Variants in PNPLA6 observed in about 807,000 individuals in gnomAD.
PNPLA6 encodes the protein patatin like domain 6, lysophospholipase.
A neutral mutation model predicts 153.7 loss-of-function variants in PNPLA6; 105 were observed. The observed-to-expected ratio is 0.68, with a 90% CI of 0.58 to 0.80. The LOEUF (loss-of-function observed/expected upper bound fraction) is 0.80. PNPLA6 is among the 30% of genes least tolerant of loss of function. PNPLA6 has a pLI of 0.00. For synonymous variants in PNPLA6, 825 were observed against 822.2 expected (o/e 1.00, Z -0.06); for missense variants, 1,423 against 1,919.3 (o/e 0.74, Z 4.83).
At chr19:7,560,611 G>A in intron 28 of PNPLA6, 37 bp from the exon 29 acceptor site, 1 of 1,369,254 alleles carries the variant, frequency 7.3e-7, no homozygotes, top group African/African-American at 1.4e-5. Flanking sequence ...AGCAAAGCAG[G>A]GTTGCAGACA....
upstream of PNPLA6, chr19:7,535,431 G>C (rs765894751): frequency 4.4e-5 from 47 of 1,059,084 alleles, no homozygotes; most frequent in Non-Finnish European, 6.2e-5. This position sits in a 1 kb window ranked among gnomAD's most constrained non-coding sequence, Gnocchi z 5.0. Flanking sequence ...CTTGAGCTGG[G>C]GGCAGGGCTT....
chr19:7,536,196 C>T lies in PNPLA6; in HGVS notation c.238C>T (p.Pro80Ser), dbSNP rs772575811. Residue 80 changes from proline to serine, a missense_variant, in exon 2 of 32, where the codon CCA (proline) becomes TCA (serine). By Grantham distance (74) the Pro-to-Ser change is moderately conservative. This residue lies in a region of PNPLA6 where 109 missense variants were observed against 109.4 expected (regional missense o/e 1.00). Coordinates refer to ENST00000600737, the MANE Select transcript of PNPLA6 (RefSeq NM_001166114.2). ...CTGTCCCCACCTATCCCCAGAAACC[C>T]CAGCCCCGGATGGCCCCCGGTATCG... ...VVRRLRVPKT[P>S]APDGPRYRFR... 28 of 1,612,272 alleles carry T rather than the reference C, an allele frequency of 1.7e-5. No homozygotes were observed. Among genetic ancestry groups the T allele is most frequent in the Middle Eastern group, 3.3e-4 (2 of 6,082 alleles).
In PNPLA6 at chr19:7,559,128, T is replaced by G; in HGVS notation, c.3676T>G (p.Phe1226Val). 1 of 1,614,180 alleles carries G rather than the reference T, an allele frequency of 6.2e-7. No homozygotes were observed. The highest frequency in any genetic ancestry group is 8.5e-7 in the Non-Finnish European group (1 of 1,180,026). ...PPIDCFKTMD[F>V]GKFDQIYDVG... ...CATCGACTGCTTCAAGACCATGGAC[T>G]TTGGGAAGTTCGACCAGATCTATGT... The change falls in exon 28 of 32, where the codon TTT becomes GTT. Residue 1226 changes from phenylalanine to valine, a missense_variant. Physicochemically the swap from Phe to Val is conservative, Grantham distance 50. Around this residue, in one of 10 missense-constraint regions of PNPLA6, gnomAD observed 643 missense variants for 835.2 expected, o/e 0.77. Transcript: ENST00000600737.
At chr19:7,549,484 C>T (rs1568415003) in intron 13 of PNPLA6, among the ~76,000 whole-genome samples, 2 of 47,060 alleles carry the variant, frequency 4.2e-5, no homozygotes, top group South Asian at 7.8e-4. Flanking sequence ...CCGCGCCTGG[C>T]CTTCTTCTTC....
upstream of PNPLA6, chr19:7,534,462 C>T (rs1333358176): frequency 1.3e-5 from 2 of 155,462 alleles, no homozygotes; most frequent in Admixed American, 1.2e-4. Context: ...GACTCGGAGT[C>T]TCCGGGATTC....
chr19:7,541,125 G>C lies in PNPLA6; in HGVS notation c.924+74G>C, dbSNP rs1031097562. 1.3e-6 allele frequency: 2 copies of C among 1,528,254 alleles called. No homozygotes were observed. The highest frequency in any genetic ancestry group is 1.8e-6 in the Non-Finnish European group (2 of 1,120,524). The allele number at this position is 1,528,254 out of a possible 1,614,324, so 94.7% of individuals were successfully genotyped here. A position where few individuals can be genotyped will look rare whatever the true frequency, so the allele number is the denominator to read the frequency against. On this transcript the variant is annotated intron_variant, in intron 7 of 31. Coordinates refer to ENST00000600737, the MANE Select transcript of PNPLA6 (RefSeq NM_001166114.2). This position sits in a 1 kb window ranked among gnomAD's most constrained non-coding sequence, Gnocchi z 5.2. Reference sequence around the variant, plus strand: ...CCCCCACCCATTCCAGGCTCCAAGGGACCGAGGCCCAGCAGCCAGCAGGCG... The same window carrying C: ...CCCCCACCCATTCCAGGCTCCAAGGCACCGAGGCCCAGCAGCCAGCAGGCG...
At position 7,555,792 on chromosome 19, in the gene PNPLA6, C is replaced by A. The variant is rs1268813482; in HGVS notation, c.3093+29C>A. The A allele has an allele frequency of 1.2e-6, 2 of 1,609,644 alleles. No homozygotes were observed. The highest frequency in any genetic ancestry group is 1.3e-5 in the African/African-American group (1 of 74,982). ...TGTGTTGCGAGGAGGGATTGCTGCA[C>A]CCCAGGAGTGCCATAAAACCCGTGG... On this transcript the variant is annotated intron_variant, in intron 24 of 31. Coordinates refer to ENST00000600737, the MANE Select transcript of PNPLA6 (RefSeq NM_001166114.2). This position sits in a 1 kb window ranked among gnomAD's most constrained non-coding sequence, Gnocchi z 6.3.
At chr19:7,557,314 G>T in intron 27 of PNPLA6, 30 bp downstream of exon 27, 1 of 1,335,904 alleles carries the variant, frequency 7.5e-7, no homozygotes, top group Non-Finnish European at 1.1e-6. Flanking sequence ...ACCCGCACAC[G>T]CAAGCACCTC....
rs1283934397 is a variant in PNPLA6 at position 7,540,409 on chromosome 19, G to A, written c.714+101G>A. 2.4e-5 allele frequency: 32 copies of A among 1,317,220 alleles called. No homozygotes were observed. Among genetic ancestry groups the A allele is most frequent in the East Asian group, 4.8e-5 (2 of 42,030 alleles). The allele number at this position is 1,317,220 out of a possible 1,614,324, so 81.6% of individuals were successfully genotyped here. ...TGGTGGTCTTTGGAGATGCGTCATCGGGAGTCAGGGGAACGGGTGACCGAG... is the reference window on the plus strand; with the variant it reads ...TGGTGGTCTTTGGAGATGCGTCATCAGGAGTCAGGGGAACGGGTGACCGAG... On this transcript the variant is annotated intron_variant, in intron 5 of 31. Transcript: ENST00000600737. The surrounding 1 kb of genome is among the most constrained non-coding windows in gnomAD (Gnocchi z 6.8).
chr19:7,561,221 TTGTC>T lies in PNPLA6; in HGVS notation c.3930_3933del (p.Cys1310Ter). On this transcript the variant is annotated frameshift_variant, in exon 31 of 32. Coordinates refer to ENST00000600737, the MANE Select transcript of PNPLA6 (RefSeq NM_001166114.2). LOFTEE classifies it high-confidence loss of function. ...CCCCGATTCCAGGAGAGGAGTCAGA[TTGTC>T]TGACAGAGTATGAGGAGGACGCCGG... 1.9e-6 allele frequency: 3 copies of T among 1,609,368 alleles called. No homozygotes were observed. The highest frequency in any genetic ancestry group is 2.5e-6 in the Non-Finnish European group (3 of 1,178,198).
At chr19:7,556,115 T>C (rs1185451706) in intron 24 of PNPLA6, among the ~76,000 whole-genome samples, 4 of 132,904 alleles carry the variant, frequency 3.0e-5, no homozygotes, top group African/African-American at 5.8e-5. Flanking sequence ...CAGGCTGGAG[T>C]GCAGTGGCAC....
intron 17 of PNPLA6, 114 bp from the exon 18 acceptor site, chr19:7,551,248 C>CG: frequency 3.1e-6 from 2 of 655,312 alleles, no homozygotes; most frequent in Non-Finnish European, 5.1e-6. Context: ...CGGGGGCTCT[C>CG]GGGGGTGGGA....
chr19:7,535,983 G>T lies in PNPLA6; in HGVS notation c.195G>T (p.Val65=). 3 of 1,581,420 alleles carry T rather than the reference G, an allele frequency of 1.9e-6. No homozygotes were observed. The highest frequency in any genetic ancestry group is 1.8e-5 in the Admixed American group (1 of 54,666). Residue 65 remains valine (V), a synonymous_variant, in exon 1 of 32, where the codon GTG becomes GTT. Coordinates refer to ENST00000600737, the MANE Select transcript of PNPLA6 (RefSeq NM_001166114.2). This position sits in a 1 kb window ranked among gnomAD's most constrained non-coding sequence, Gnocchi z 5.0. ...GAGTGGCGGTGGTGGTCACGGCCGTGCTCATCCTCCTGGTGGTGCGGAGGC... is the reference window on the plus strand; with the variant it reads ...GAGTGGCGGTGGTGGTCACGGCCGTTCTCATCCTCCTGGTGGTGCGGAGGC... ...GAGVAVVVTA[V]LILLVVRRLR...
intron 10 of PNPLA6, 85 bp downstream of exon 10, chr19:7,542,152 A>C: frequency 1.9e-6 from 2 of 1,059,700 alleles, no homozygotes; most frequent in South Asian, 1.3e-5. Flanking sequence ...TGATTGTTTT[A>C]ATCTGCGAAA....
intron 26 of PNPLA6, 155 bp from the exon 27 acceptor site, chr19:7,557,013 C>T: frequency 2.6e-6 from 2 of 778,024 alleles, no homozygotes; most frequent in Admixed American, 1.8e-5. Context: ...CTGCCCCTAC[C>T]TGCCCCCACT....
Position 7,561,009 on chromosome 19 carries a change from C to T in PNPLA6, c.3817-5C>T, listed in dbSNP as rs1444699433. 2 of 1,606,052 alleles carry T rather than the reference C, an allele frequency of 1.2e-6. No homozygotes were observed. Among genetic ancestry groups the T allele is most frequent in the Admixed American group, 3.4e-5 (2 of 58,976 alleles). ...CCTAAGAGCCTCACCAGTGTCACCC[C>T]ACAGGTGCTTGCCTTCCCAAGCTCT... On this transcript the variant is annotated splice_region_variant and splice_polypyrimidine_tract_variant and intron_variant, in intron 29 of 31. Transcript: ENST00000600737.
At position 7,547,994 on chromosome 19, in the gene PNPLA6, A is replaced by G. The variant is rs529886876; in HGVS notation, c.1609-1913A>G. On this transcript the variant is annotated intron_variant, in intron 13 of 31. Transcript: ENST00000600737. ...GTATACTTTAAATCAGGGGTGTCCAATCTTTTGGCTTCCCTGGGCCACATT... is the reference window on the plus strand; with the variant it reads ...GTATACTTTAAATCAGGGGTGTCCAGTCTTTTGGCTTCCCTGGGCCACATT... 8.0e-5 allele frequency among the ~76,000 whole-genome samples: 11 copies of G among 136,834 alleles called. No individual in the cohort carries two copies. In the South Asian group the frequency reaches 2.9e-3, roughly 36 times the overall value. 89.8% of individuals were successfully genotyped at this position (136,834 alleles called of 152,430 possible). A position where few individuals can be genotyped will look rare whatever the true frequency, so the allele number is the denominator to read the frequency against.
chr19:7,539,583 C>A (rs868746833), intron 3 of PNPLA6, among the ~76,000 whole-genome samples: 3 of 150,722 alleles, frequency 2.0e-5, no homozygotes, highest in South Asian at 4.2e-4. Context: ...CATGGAGAAA[C>A]CCCATCTCTA....
At chr19:7,557,432 G>A (rs2023931248) in intron 27 of PNPLA6, 148 bp downstream of exon 27, 3 of 691,742 alleles carry the variant, frequency 4.3e-6, no homozygotes, top group South Asian at 3.0e-5. Flanking sequence ...GCACACATAC[G>A]ATCACTTGCA....
Sources: allele counts gnomAD v4.1 joint callset (sites outside exome capture counted in the v4.1 genomes callset), GRCh38; gene constraint gnomAD v4.1.1; regional missense constraint gnomAD v4.1.1; non-coding constraint Gnocchi (gnomAD v3.1); transcripts MANE v1.5; gene names NCBI Gene and HGNC (gene_info 2026-07-23, HGNC 2026-07-21).